The following NFIX variants were observed in gnomAD, a reference collection of about 807,000 sequenced individuals.
The protein encoded by NFIX is nuclear factor 1 X-type.
In NFIX, 2 loss-of-function variants were observed where a neutral mutation model predicts 53.3. The ratio of observed to expected loss-of-function variants is 0.04; its 90% confidence interval spans 0.02 to 0.12. The LOEUF is 0.12. Among genes scored for constraint, NFIX ranks in the 10% least tolerant of loss-of-function variants. The probability of loss-of-function intolerance (pLI) is 1.00; values close to 1 mark genes in which losing one functional copy is unlikely to be tolerated. For missense variants in NFIX, 310 were observed against 674.5 expected (o/e 0.46, Z 5.99); for synonymous variants, 244 against 289.0 (o/e 0.84, Z 1.58).
At chr19:13,085,267 AG>A (rs2017709158) in intron 8 of NFIX, among the ~76,000 whole-genome samples, 1 of 152,136 alleles carries the variant, frequency 6.6e-6, no homozygotes, top group South Asian at 2.1e-4. Context: ...GTAAATCAGC[AG>A]GTTTCAATGT....
intron 2 of NFIX, among the ~76,000 whole-genome samples, chr19:13,033,484 A>C (rs2013965059): frequency 6.6e-6 from 1 of 152,184 alleles, no homozygotes; most frequent in Non-Finnish European, 1.5e-5. Context: ...CTGATGCCTT[A>C]CTGATGACAT....
intron 8 of NFIX, 71 bp from the exon 9 acceptor site, chr19:13,087,918 C>A (rs888824543): frequency 2.0e-6 from 3 of 1,520,120 alleles, no homozygotes; most frequent in African/African-American, 2.8e-5. Flanking sequence ...CGAGCTGGCG[C>A]GGCCGCGCAG....
chr19:13,043,470 C>T lies in NFIX; in HGVS notation c.559+17918C>T, dbSNP rs896293452. Among the ~76,000 whole-genome samples the T allele has an allele frequency of 3.3e-5, 5 of 152,226 alleles. No homozygotes were observed. The highest frequency in any genetic ancestry group is 1.2e-4 in the African/African-American group (5 of 41,458). ...TGCAAGCCCATGCTGGCCGCCAGCA[C>T]GTGCCAGAGAGCTCCTGAGGAAGCA... On this transcript the variant is annotated intron_variant, in intron 2 of 10. Transcript: ENST00000592199. This position sits in a 1 kb window ranked among gnomAD's most constrained non-coding sequence, Gnocchi z 4.0.
intron 1 of NFIX, among the ~76,000 whole-genome samples, chr19:13,023,474 G>A (rs1304209057): frequency 2.0e-5 from 3 of 151,902 alleles, no homozygotes; most frequent in Non-Finnish European, 2.9e-5. Flanking sequence ...CCCCTGTGCC[G>A]CTGCCAAAGC....
intron 8 of NFIX, among the ~76,000 whole-genome samples, chr19:13,087,209 T>C (rs1019913745): frequency 6.6e-6 from 1 of 152,144 alleles, no homozygotes; most frequent in African/African-American, 2.4e-5. Context: ...CGCAAGGCCA[T>C]GCACAGGGCC....
In NFIX at chr19:13,060,249, C is replaced by T. The variant is rs968470843; in HGVS notation, c.560-12798C>T. 6.6e-6 allele frequency among the ~76,000 whole-genome samples: 1 copy of T among 152,370 alleles called. No individual in the cohort carries two copies. The highest frequency in any genetic ancestry group is 2.4e-5 in the African/African-American group (1 of 41,596). ...ACAGAGTGGATGAACTCAGTCCCCACCTCTCAGAGGGACCTAGTACAGAGC... is the reference window on the plus strand; with the variant it reads ...ACAGAGTGGATGAACTCAGTCCCCATCTCTCAGAGGGACCTAGTACAGAGC... On this transcript the variant is annotated intron_variant, in intron 2 of 10. Transcript: ENST00000592199. The surrounding 1 kb of genome is among the most constrained non-coding windows in gnomAD (Gnocchi z 4.3).
intron 6 of NFIX, among the ~76,000 whole-genome samples, chr19:13,077,334 C>T (rs1043381338): frequency 6.6e-6 from 1 of 152,224 alleles, no homozygotes; most frequent in Non-Finnish European, 1.5e-5. Flanking sequence ...CAACATCCTC[C>T]TGCAGCACCC....
In NFIX at chr19:13,094,871, G is replaced by A. The variant is rs901356409; in HGVS notation, c.*222G>A. On this transcript the variant is annotated 3_prime_UTR_variant, in exon 11 of 11. Coordinates refer to ENST00000592199, the MANE Select transcript of NFIX (RefSeq NM_001365902.3). This position sits in a 1 kb window ranked among gnomAD's most constrained non-coding sequence, Gnocchi z 4.3. ...GAGAGCCCTTGGAAGGGGTCTCGGT[G>A]GAGCTGTGCACCAGCAGCCAAGCAG... 1.8e-6 allele frequency: 1 copy of A among 563,992 alleles called. No homozygotes were observed. Among genetic ancestry groups the A allele is most frequent in the African/African-American group, 1.9e-5 (1 of 52,728 alleles). The allele number at this position is 563,992 out of a possible 1,614,324, so 34.9% of individuals were successfully genotyped here.
chr19:12,999,787 G>T (rs2011610929), intron 1 of NFIX, among the ~76,000 whole-genome samples: 1 of 152,164 alleles, frequency 6.6e-6, no homozygotes, highest in Admixed American at 6.5e-5. Flanking sequence ...TTTCTCTCTG[G>T]GTCACTCTGG....
chr19:13,090,709 C>T lies in NFIX; in HGVS notation c.1494+319C>T, dbSNP rs536242133. ...GCAAAGATGGAAGCCTGAGGCCCAT[C>T]GGGAGGAGAATAGAGTCTGCCTCAC... On this transcript the variant is annotated intron_variant, in intron 10 of 10. Coordinates refer to ENST00000592199, the MANE Select transcript of NFIX (RefSeq NM_001365902.3). This position sits in a 1 kb window ranked among gnomAD's most constrained non-coding sequence, Gnocchi z 6.6. 2.0e-5 allele frequency among the ~76,000 whole-genome samples: 3 copies of T among 152,314 alleles called. No homozygotes were observed. Among genetic ancestry groups the T allele is most frequent in the African/African-American group, 7.2e-5 (3 of 41,572 alleles).
chr19:13,092,877 CTGTT>C (rs2018228519), intron 10 of NFIX, among the ~76,000 whole-genome samples: 1 of 152,266 alleles, frequency 6.6e-6, no homozygotes, highest in South Asian at 2.1e-4. Context: ...CAATGAGCCT[CTGTT>C]TGGCCTGTAG....
At chr19:13,054,495 A>T (rs1287687682) in intron 2 of NFIX, among the ~76,000 whole-genome samples, 2 of 152,076 alleles carry the variant, frequency 1.3e-5, no homozygotes, top group Non-Finnish European at 2.9e-5. Flanking sequence ...AGGAGTCTCC[A>T]GAGTCTTGGG....
In NFIX at chr19:13,009,634, G is replaced by A. The variant is rs375269302; in HGVS notation, c.27+13770G>A. ...GGAGGAAGAGGCTTCCTGATTCCCC[G>A]CTTAAGGGTGTTCAAACTGTCTGCC... On this transcript the variant is annotated intron_variant, in intron 1 of 10. Transcript: ENST00000592199. This position sits in a 1 kb window ranked among gnomAD's most constrained non-coding sequence, Gnocchi z 4.7. 1.3e-5 allele frequency among the ~76,000 whole-genome samples: 2 copies of A among 152,294 alleles called. No individual in the cohort carries two copies. The highest frequency in any genetic ancestry group is 1.9e-4 in the East Asian group (1 of 5,184).
At chr19:13,038,007 G>C (rs932756125) in intron 2 of NFIX, among the ~76,000 whole-genome samples, 4 of 152,182 alleles carry the variant, frequency 2.6e-5, no homozygotes, top group African/African-American at 9.7e-5. Context: ...AGAGTGGGCT[G>C]CTTGGCTGCC....
rs1211977413 is a variant in NFIX at position 13,087,950 on chromosome 19, A to G, written c.1255-39A>G. The G allele has an allele frequency of 2.0e-6, 3 of 1,535,436 alleles. No individual in the cohort carries two copies. In the South Asian group the frequency reaches 3.6e-5, roughly 18 times the overall value. On this transcript the variant is annotated intron_variant, in intron 8 of 10. Coordinates refer to ENST00000592199, the MANE Select transcript of NFIX (RefSeq NM_001365902.3). ...GCAGGGGAGCGTGTGTCTGTGTGTG[A>G]TGTGCCTTCATGCGTCACTCTATTT...
At position 13,066,159 on chromosome 19, in the gene NFIX, C is replaced by T. The variant is rs1217120698; in HGVS notation, c.560-6888C>T. Among the ~76,000 whole-genome samples, 2 of 152,190 alleles carry T rather than the reference C, an allele frequency of 1.3e-5. No homozygotes were observed. The highest frequency in any genetic ancestry group is 1.9e-4 in the East Asian group (1 of 5,196). The stretch of plus-strand genomic sequence containing the variant: ...GATGAGCTGATGGACTTGCTTTCTC[C>T]TCGCTTCCCGAAGCCTTACTGCCGA... On this transcript the variant is annotated intron_variant, in intron 2 of 10. Transcript: ENST00000592199. The surrounding 1 kb of genome is among the most constrained non-coding windows in gnomAD (Gnocchi z 4.2).
rs1305358492 is a variant in NFIX, at chr19:13,022,720, C to T, written c.28-2301C>T. On this transcript the variant is annotated intron_variant, in intron 1 of 10. Coordinates refer to ENST00000592199, the MANE Select transcript of NFIX (RefSeq NM_001365902.3). The surrounding 1 kb of genome is among the most constrained non-coding windows in gnomAD (Gnocchi z 4.5). The stretch of plus-strand genomic sequence containing the variant: ...CCCAAGGCCTTCTGGGGCTCCCGCC[C>T]GCCAGCCCGCCGGGAGTCAGGCCTT... Among the ~76,000 whole-genome samples, 1 of 152,128 alleles carries T rather than the reference C, an allele frequency of 6.6e-6. No homozygotes were observed. The highest frequency in any genetic ancestry group is 1.5e-5 in the Non-Finnish European group (1 of 68,012).
In NFIX at chr19:13,017,336, C is replaced by T. The variant is rs866335241; in HGVS notation, c.28-7685C>T. Among the ~76,000 whole-genome samples the T allele has an allele frequency of 2.6e-5, 4 of 152,118 alleles. No individual in the cohort carries two copies. In the South Asian group the frequency reaches 6.2e-4, roughly 24 times the overall value. ...AATGATCCTGATAATAAAATAGTTG[C>T]GGGAGCAATACATTTTGAGGAATTG... is the stretch of plus-strand genomic sequence containing the variant. On this transcript the variant is annotated intron_variant, in intron 1 of 10. Coordinates refer to ENST00000592199, the MANE Select transcript of NFIX (RefSeq NM_001365902.3).
chr19:13,069,587 G>A (rs1010183511), intron 2 of NFIX, among the ~76,000 whole-genome samples: 6 of 151,750 alleles, frequency 4.0e-5, no homozygotes, highest in African/African-American at 1.2e-4. Context: ...CCGGGCTCAG[G>A]GGCGAGGAGG....
Sources: gnomAD v4.1 joint callset for allele counts (sites outside exome capture counted in the v4.1 genomes callset) on GRCh38, gnomAD v4.1.1 for gene constraint, Gnocchi (gnomAD v3.1) non-coding constraint, MANE v1.5 for transcripts, NCBI Gene and HGNC (gene_info 2026-07-23, HGNC 2026-07-21) for gene names.